KCNK13: variants seen among roughly 807,000 people sequenced by gnomAD.
The protein encoded by KCNK13 is potassium two pore domain channel subfamily K member 13.
Under a neutral mutation model 23.4 loss-of-function variants are expected in KCNK13, and 12 were observed. That is an observed-to-expected ratio of 0.51 (90% CI 0.33 to 0.83). The LOEUF is 0.83. Among genes scored for constraint, KCNK13 ranks in the 40% least tolerant of loss-of-function variants. The pLI is 0.02. For missense variants in KCNK13, 463 were observed against 556.3 expected (o/e 0.83, Z 1.69); for synonymous variants, 231 against 229.5 (o/e 1.01, Z -0.06).
chr14:90,123,472 C>T (rs1889762317), intron 1 of KCNK13, among the ~76,000 whole-genome samples: 1 of 152,162 alleles, frequency 6.6e-6, no homozygotes, highest in South Asian at 2.1e-4. Flanking sequence ...CATTTAAGTA[C>T]CTCCTTAAAG....
At chr14:90,108,023 C>T (rs1216840994) in intron 1 of KCNK13, 14 of 667,304 alleles carry the variant, frequency 2.1e-5, no homozygotes, top group Non-Finnish European at 3.4e-5. Context: ...CGCTGACTTT[C>T]CTCCTCAAGA....
intron 1 of KCNK13, among the ~76,000 whole-genome samples, chr14:90,115,198 GT>G (rs145442050): frequency 0.22 from 33,298 of 151,966 alleles, 3,722 homozygotes; most frequent in Middle Eastern, 0.27. Flanking sequence ...TTGTTGGTTG[GT>G]TTGTTTATAA....
chr14:90,111,813 T>A (rs1889618293), intron 1 of KCNK13, among the ~76,000 whole-genome samples: 1 of 152,218 alleles, frequency 6.6e-6, no homozygotes, highest in Admixed American at 6.5e-5. Context: ...GTTTTTTACC[T>A]AAATAAATAA....
At chr14:90,064,243 A>AT (rs979226419) in intron 1 of KCNK13, among the ~76,000 whole-genome samples, 20 of 152,056 alleles carry the variant, frequency 1.3e-4, no homozygotes, top group South Asian at 2.1e-4. Context: ...CAAGTACAGG[A>AT]TTTTTTTAGA....
chr14:90,141,241 T>C (rs1382680996), intron 1 of KCNK13, among the ~76,000 whole-genome samples: 1 of 152,230 alleles, frequency 6.6e-6, no homozygotes, highest in Non-Finnish European at 1.5e-5. Flanking sequence ...TGAGGCTTGA[T>C]AGTATAACCA....
intron 1 of KCNK13, among the ~76,000 whole-genome samples, chr14:90,106,886 G>A (rs1166675395): frequency 1.3e-5 from 2 of 151,940 alleles, no homozygotes; most frequent in Non-Finnish European, 2.9e-5. Flanking sequence ...GCTGGGAGTA[G>A]TGGTGCACGC....
chr14:90,178,871 A>C (rs1380769762), intron 1 of KCNK13, among the ~76,000 whole-genome samples: 2 of 152,118 alleles, frequency 1.3e-5, no homozygotes, highest in Non-Finnish European at 2.9e-5. Context: ...TAAAGTCTAC[A>C]GGACACAACA....
intron 1 of KCNK13, among the ~76,000 whole-genome samples, chr14:90,077,337 T>C (rs1431012473): frequency 1.3e-5 from 2 of 151,230 alleles, no homozygotes; most frequent in Admixed American, 1.3e-4. Flanking sequence ...GCCAGGCTGG[T>C]CTCGAACTCC....
At chr14:90,083,053 A>G (rs916296948) in intron 1 of KCNK13, among the ~76,000 whole-genome samples, 3 of 152,206 alleles carry the variant, frequency 2.0e-5, no homozygotes, top group African/African-American at 4.8e-5. Context: ...GGCCATTTGT[A>G]TACTATCTTA....
At chr14:90,172,062 A>G (rs1050700831) in intron 1 of KCNK13, among the ~76,000 whole-genome samples, 1 of 152,110 alleles carries the variant, frequency 6.6e-6, no homozygotes, top group Admixed American at 6.5e-5. Context: ...CACACATGTA[A>G]TCCCACCGCT....
intron 1 of KCNK13, among the ~76,000 whole-genome samples, chr14:90,128,963 C>T (rs1889835760): frequency 6.6e-6 from 1 of 152,174 alleles, no homozygotes; most frequent in African/African-American, 2.4e-5. Flanking sequence ...TCCCCGCCCC[C>T]TAAGAGGGAC....
At chr14:90,076,561 A>G (rs565545684) in intron 1 of KCNK13, among the ~76,000 whole-genome samples, 1 of 152,030 alleles carries the variant, frequency 6.6e-6, no homozygotes, top group South Asian at 2.1e-4. Context: ...TCATTGGCGC[A>G]AACCATGTCA....
chr14:90,092,757 T>A (rs1889363342), intron 1 of KCNK13, among the ~76,000 whole-genome samples: 1 of 151,592 alleles, frequency 6.6e-6, no homozygotes, highest in African/African-American at 2.4e-5. Context: ...CTGCAAAAAC[T>A]AAAAAATTAG....
intron 1 of KCNK13, among the ~76,000 whole-genome samples, chr14:90,092,919 A>T: frequency 9.1e-6 from 1 of 109,728 alleles, no homozygotes; most frequent in East Asian, 3.6e-4. Context: ...CTCCAAAAAA[A>T]AAAAAAAAAA....
At chr14:90,084,359 T>G (rs1427322553) in intron 1 of KCNK13, among the ~76,000 whole-genome samples, 5 of 152,204 alleles carry the variant, frequency 3.3e-5, no homozygotes, top group Non-Finnish European at 5.9e-5. Flanking sequence ...GTTTTGGACT[T>G]TAAAAAAATT....
intron 1 of KCNK13, among the ~76,000 whole-genome samples, chr14:90,076,978 C>T (rs1205317856): frequency 2.6e-5 from 4 of 152,112 alleles, no homozygotes; most frequent in Non-Finnish European, 5.9e-5. Context: ...CGCCACCACA[C>T]CTGGCTAATT....
rs1473824488 is a variant in KCNK13 at position 90,132,277 on chromosome 14, C to T, written c.335-51834C>T. On this transcript the variant is annotated intron_variant, in intron 1 of 1. Coordinates refer to ENST00000282146, the MANE Select transcript of KCNK13 (RefSeq NM_022054.4). ...GTAGAATGGAGGCTGGGTGCAGTGG[C>T]TCAAGCCTGTAATCCCAGCACTTTG... is the stretch of plus-strand genomic sequence containing the variant. 2.6e-5 allele frequency among the ~76,000 whole-genome samples: 4 copies of T among 152,196 alleles called. No homozygotes were observed. The East Asian group carries it at 7.7e-4, about 29-fold the overall frequency.
At chr14:90,112,737 C>A (rs895872223) in intron 1 of KCNK13, among the ~76,000 whole-genome samples, 1 of 151,436 alleles carries the variant, frequency 6.6e-6, no homozygotes, top group Non-Finnish European at 1.5e-5. Flanking sequence ...CACATCTTGG[C>A]AAATCTGGAT....
At position 90,096,231 on chromosome 14, in the gene KCNK13, T is replaced by TC. The variant is rs550481530; in HGVS notation, c.334+33695dup. Among the ~76,000 whole-genome samples the TC allele has an allele frequency of 3.1e-3, 469 of 152,266 alleles. 5 individuals carry two copies. Among genetic ancestry groups the TC allele is most frequent in the African/African-American group, 0.011 (456 of 41,552 alleles). ...AACTCAGCCTTCAGCTCCTCTCCCC[T>TC]CCCTGGAGGTTGCGGTGTGGGGCTT... On this transcript the variant is annotated intron_variant, in intron 1 of 1. Coordinates refer to ENST00000282146, the MANE Select transcript of KCNK13 (RefSeq NM_022054.4).
Sources: allele counts gnomAD v4.1 joint callset (sites outside exome capture counted in the v4.1 genomes callset), GRCh38; gene constraint gnomAD v4.1.1; transcripts MANE v1.5; gene names NCBI Gene and HGNC (gene_info 2026-07-23, HGNC 2026-07-21).